Variants in SNTB1 observed in about 807,000 individuals in gnomAD.
SNTB1 encodes the protein beta-1-syntrophin.
Under a neutral mutation model 48.9 loss-of-function variants are expected in SNTB1, and 36 were observed. That is an observed-to-expected ratio of 0.74 (90% CI 0.56 to 0.97). The LOEUF is 0.97. SNTB1 is among the 50% of genes least tolerant of loss of function. The pLI is 0.00. For synonymous variants in SNTB1, 299 were observed against 294.6 expected (o/e 1.01, Z -0.15); for missense variants, 786 against 703.4 (o/e 1.12, Z -1.33).
chr8:120,720,370 A>G (rs1296702275), intron 1 of SNTB1, among the ~76,000 whole-genome samples: 1 of 152,224 alleles, frequency 6.6e-6, no homozygotes, highest in African/African-American at 2.4e-5. Context: ...GCCAGTGAGT[A>G]TCAAGTCCTC....
chr8:120,731,545 T>G (rs1005745527), intron 1 of SNTB1, among the ~76,000 whole-genome samples: 1 of 152,224 alleles, frequency 6.6e-6, no homozygotes, highest in Non-Finnish European at 1.5e-5. Context: ...TAGTCCTGAT[T>G]GCTTAATATT....
At chr8:120,601,793 T>C (rs1816426394) in intron 3 of SNTB1, among the ~76,000 whole-genome samples, 1 of 152,206 alleles carries the variant, frequency 6.6e-6, no homozygotes, top group African/African-American at 2.4e-5. Context: ...GGCTTAATCA[T>C]CCCATTGTGT....
chr8:120,611,281 C>T (rs1816617793), intron 3 of SNTB1, among the ~76,000 whole-genome samples: 1 of 152,022 alleles, frequency 6.6e-6, no homozygotes, highest in African/African-American at 2.4e-5. Flanking sequence ...AAACCTTCCC[C>T]CAAGAGTGCA....
chr8:120,589,203 A>G, intron 3 of SNTB1, among the ~76,000 whole-genome samples: 1 of 152,174 alleles, frequency 6.6e-6, no homozygotes, highest in East Asian at 1.9e-4. Context: ...ATACTGGATT[A>G]TAGCCCTTTA....
chr8:120,668,722 C>T (rs7835099), intron 2 of SNTB1, among the ~76,000 whole-genome samples: 12,434 of 152,160 alleles, frequency 0.082, 626 homozygotes, highest in South Asian at 0.15. Flanking sequence ...TTTCTTCTGG[C>T]GCCTGCCAAC....
intron 1 of SNTB1, among the ~76,000 whole-genome samples, chr8:120,695,270 G>C (rs150835884): frequency 2.4e-4 from 36 of 152,286 alleles, no homozygotes; most frequent in African/African-American, 8.7e-4. Flanking sequence ...TGCCTTCCCT[G>C]TGCAAGACAT....
At chr8:120,617,715 C>T (rs1253700901) in intron 3 of SNTB1, among the ~76,000 whole-genome samples, 2 of 152,286 alleles carry the variant, frequency 1.3e-5, no homozygotes, top group South Asian at 2.1e-4. Context: ...ACTCAGAACT[C>T]GCCTCCAGAT....
chr8:120,648,344 T>C (rs1385856211), intron 2 of SNTB1, among the ~76,000 whole-genome samples: 1 of 152,002 alleles, frequency 6.6e-6, no homozygotes, highest in African/African-American at 2.4e-5. Flanking sequence ...CTTCAGGAGC[T>C]CTTGTAAGGC....
chr8:120,600,897 G>A (rs755369694), intron 3 of SNTB1, among the ~76,000 whole-genome samples: 1 of 151,966 alleles, frequency 6.6e-6, no homozygotes, highest in African/African-American at 2.4e-5. Context: ...CACAATGAGA[G>A]TCCAGCCCAG....
intron 1 of SNTB1, among the ~76,000 whole-genome samples, chr8:120,801,966 C>T (rs2130180424): frequency 6.6e-6 from 1 of 152,222 alleles, no homozygotes; most frequent in African/African-American, 2.4e-5. Flanking sequence ...GTCTATTTCT[C>T]ATTTTTCCCT....
chr8:120,563,143 T>C (rs1284002571), intron 4 of SNTB1, among the ~76,000 whole-genome samples: 2 of 152,064 alleles, frequency 1.3e-5, no homozygotes, highest in African/African-American at 4.8e-5. Flanking sequence ...TGGGACTGGG[T>C]ATGCAGAATT....
chr8:120,634,379 C>T (rs1238072658), intron 2 of SNTB1, among the ~76,000 whole-genome samples: 5 of 151,926 alleles, frequency 3.3e-5, no homozygotes, highest in Admixed American at 6.6e-5. Context: ...TTCTAATAGC[C>T]CTATGACTGA....
intron 1 of SNTB1, among the ~76,000 whole-genome samples, chr8:120,800,881 A>G (rs913974842): frequency 1.3e-5 from 2 of 152,110 alleles, no homozygotes; most frequent in African/African-American, 4.8e-5. Context: ...CCTAGAATTG[A>G]TATATCAAGA....
intron 1 of SNTB1, among the ~76,000 whole-genome samples, chr8:120,772,652 T>C (rs183390969): frequency 6.6e-6 from 1 of 152,256 alleles, no homozygotes; most frequent in East Asian, 1.9e-4. Flanking sequence ...TGGAGTCAAC[T>C]AAGCTGAAAT....
chr8:120,590,681 TTTTC>T (rs922291006), intron 3 of SNTB1, among the ~76,000 whole-genome samples: 6 of 128,628 alleles, frequency 4.7e-5, no homozygotes, highest in African/African-American at 2.2e-4. Flanking sequence ...TTTTCTTTTC[TTTTC>T]TTTTTTTTTT....
intron 3 of SNTB1, among the ~76,000 whole-genome samples, chr8:120,627,680 A>C (rs1345158552): frequency 2.6e-5 from 4 of 152,076 alleles, no homozygotes; most frequent in Non-Finnish European, 5.9e-5. Context: ...AATTTCCCTT[A>C]TTTTCATAAT....
At chr8:120,751,824 C>A (rs189339805) in intron 1 of SNTB1, among the ~76,000 whole-genome samples, 3 of 152,228 alleles carry the variant, frequency 2.0e-5, no homozygotes, top group South Asian at 2.1e-4. Context: ...TGTCTGCACA[C>A]AATGGGTGCC....
intron 1 of SNTB1, among the ~76,000 whole-genome samples, chr8:120,790,604 G>C (rs927515119): frequency 6.6e-6 from 1 of 151,684 alleles, no homozygotes. Context: ...ACCAAGATGA[G>C]AATAAAACCA....
chr8:120,555,721 C>T (rs1815555585), intron 4 of SNTB1, among the ~76,000 whole-genome samples: 1 of 152,126 alleles, frequency 6.6e-6, no homozygotes, highest in Non-Finnish European at 1.5e-5. Context: ...TCCTTCTTAA[C>T]CCCTATAGCA....
Sources: gnomAD v4.1 joint callset for allele counts (sites outside exome capture counted in the v4.1 genomes callset) on GRCh38, gnomAD v4.1.1 for gene constraint, MANE v1.5 for transcripts, NCBI Gene and HGNC (gene_info 2026-07-23, HGNC 2026-07-21) for gene names.